The following COL21A1 variants were observed in gnomAD, a reference collection of about 807,000 sequenced individuals.
COL21A1 encodes the protein collagen type XXI alpha 1 chain.
Under a neutral mutation model 137.9 loss-of-function variants are expected in COL21A1, and 149 were observed. That is an observed-to-expected ratio of 1.08 (90% CI 0.95 to 1.24). The LOEUF (loss-of-function observed/expected upper bound fraction) is 1.24, where lower values mean the gene tolerates loss of function less well. Ranked by LOEUF, COL21A1 falls within the 50% of genes most tolerant of loss-of-function variation. COL21A1 has a pLI of 0.00. For synonymous variants in COL21A1, 456 were observed against 391.5 expected (o/e 1.16, Z -1.95); for missense variants, 1,167 against 1,158.4 (o/e 1.01, Z -0.11).
chr6:56,297,949 C>T (rs1764198566), intron 1 of COL21A1, among the ~76,000 whole-genome samples: 1 of 151,966 alleles, frequency 6.6e-6, no homozygotes, highest in South Asian at 2.1e-4. Context: ...TTTCTCTAGA[C>T]CTTAGAAGGG....
chr6:56,129,787 C>G (rs187429692), intron 12 of COL21A1, among the ~76,000 whole-genome samples: 1 of 150,438 alleles, frequency 6.6e-6, no homozygotes, highest in Non-Finnish European at 1.5e-5. Flanking sequence ...CACCCTAGAA[C>G]GAATTATTCC....
chr6:56,270,186 G>T (rs1055246677), intron 1 of COL21A1, among the ~76,000 whole-genome samples: 3 of 152,186 alleles, frequency 2.0e-5, no homozygotes, highest in African/African-American at 7.2e-5. Flanking sequence ...CATCTCACAT[G>T]TAGTGATACC....
chr6:56,268,578 A>G (rs1308527683), intron 1 of COL21A1, among the ~76,000 whole-genome samples: 4 of 152,228 alleles, frequency 2.6e-5, no homozygotes, highest in African/African-American at 9.6e-5. Context: ...TCCAGACACA[A>G]ATAAAGATCC....
chr6:56,383,847 G>T (rs1375407714), intron 1 of COL21A1, among the ~76,000 whole-genome samples: 1 of 152,072 alleles, frequency 6.6e-6, no homozygotes, highest in East Asian at 1.9e-4. Context: ...CAATAAAACA[G>T]GTCTCGAGAA....
intron 1 of COL21A1, among the ~76,000 whole-genome samples, chr6:56,317,674 T>C (rs917252794): frequency 3.3e-5 from 5 of 152,086 alleles, no homozygotes; most frequent in Admixed American, 6.6e-5. Flanking sequence ...ATAATCTCAA[T>C]TTTAAACATA....
At chr6:56,176,342 A>G (rs999947819) in intron 3 of COL21A1, among the ~76,000 whole-genome samples, 5 of 152,062 alleles carry the variant, frequency 3.3e-5, no homozygotes, top group African/African-American at 9.7e-5. Context: ...ACAATCTATG[A>G]AGTGGGATAA....
intron 1 of COL21A1, among the ~76,000 whole-genome samples, chr6:56,276,952 C>T (rs866917786): frequency 6.6e-6 from 1 of 151,002 alleles, no homozygotes; most frequent in Non-Finnish European, 1.5e-5. Context: ...GGACTACAGG[C>T]GCATGCCGCC....
intron 1 of COL21A1, among the ~76,000 whole-genome samples, chr6:56,220,622 T>C (rs1008317873): frequency 1.3e-5 from 2 of 152,106 alleles, no homozygotes; most frequent in African/African-American, 2.4e-5. Flanking sequence ...ATGTCCGCAC[T>C]GTACTTGAAC....
At chr6:56,192,011 C>A (rs1778716441) in intron 1 of COL21A1, among the ~76,000 whole-genome samples, 1 of 152,066 alleles carries the variant, frequency 6.6e-6, no homozygotes, top group African/African-American at 2.4e-5. Flanking sequence ...ATATATAGAC[C>A]AATGGAACAG....
intron 1 of COL21A1, among the ~76,000 whole-genome samples, chr6:56,338,181 G>A (rs1246937291): frequency 6.6e-6 from 1 of 151,938 alleles, no homozygotes; most frequent in African/African-American, 2.4e-5. Context: ...GGTCAGGCTG[G>A]TCTTGAACTC....
chr6:56,164,589 T>C, intron 8 of COL21A1, 83 bp from the exon 9 acceptor site: 1 of 1,110,324 alleles, frequency 9.0e-7, no homozygotes, highest in Non-Finnish European at 1.3e-6. Flanking sequence ...CATTTATATA[T>C]TTGTGTAAAA....
At chr6:56,249,457 A>G (rs757014576), upstream of COL21A1, among the ~76,000 whole-genome samples, 5 of 152,232 alleles carry the variant, frequency 3.3e-5, no homozygotes, top group African/African-American at 4.8e-5. Context: ...AAAGGCAGTA[A>G]CAACCCAAAT....
At chr6:56,155,568 G>A (rs16887615) in intron 10 of COL21A1, among the ~76,000 whole-genome samples, 14,795 of 152,190 alleles carry the variant, frequency 0.097, 777 homozygotes, top group Middle Eastern at 0.14. Context: ...TCATTTTGGT[G>A]ACAATTATAA....
intron 1 of COL21A1, among the ~76,000 whole-genome samples, chr6:56,215,366 T>C (rs1417191126): frequency 5.3e-5 from 8 of 152,186 alleles, no homozygotes; most frequent in Non-Finnish European, 5.9e-5. Context: ...TTGGACACCC[T>C]TCTGACTCCA....
intron 1 of COL21A1, among the ~76,000 whole-genome samples, chr6:56,261,596 A>G (rs1383952189): frequency 6.6e-6 from 1 of 152,168 alleles, no homozygotes; most frequent in Non-Finnish European, 1.5e-5. Context: ...CACCTTGGTC[A>G]TTGATTTCCC....
At chr6:56,341,069 A>G (rs1452205614) in intron 1 of COL21A1, among the ~76,000 whole-genome samples, 1 of 152,208 alleles carries the variant, frequency 6.6e-6, no homozygotes, top group East Asian at 1.9e-4. Flanking sequence ...ACCACTTCAA[A>G]ACTCATCTCC....
intron 1 of COL21A1, among the ~76,000 whole-genome samples, chr6:56,391,573 A>C (rs931584015): frequency 6.6e-6 from 1 of 152,064 alleles, no homozygotes; most frequent in Non-Finnish European, 1.5e-5. Flanking sequence ...AGAAGACCCA[A>C]ATAAATAAAA....
intron 1 of COL21A1, among the ~76,000 whole-genome samples, chr6:56,276,179 G>A (rs1763644085): frequency 2.0e-5 from 3 of 152,140 alleles, no homozygotes; most frequent in African/African-American, 7.2e-5. Flanking sequence ...GTGTACACAT[G>A]GTAAAGATGG....
chr6:56,297,896 T>C (rs570172255), intron 1 of COL21A1, among the ~76,000 whole-genome samples: 1 of 152,126 alleles, frequency 6.6e-6, no homozygotes, highest in African/African-American at 2.4e-5. Context: ...TATCCTTTGG[T>C]TGGGGCCTCA....
Sources: allele counts gnomAD v4.1 joint callset (sites outside exome capture counted in the v4.1 genomes callset), GRCh38; gene constraint gnomAD v4.1.1; transcripts MANE v1.5; gene names NCBI Gene and HGNC (gene_info 2026-07-23, HGNC 2026-07-21).